The following PRELID2 variants were observed in gnomAD, a reference collection of about 807,000 sequenced individuals.
The protein encoded by PRELID2 is PRELI domain-containing protein 2.
Under a neutral mutation model 28.4 loss-of-function variants are expected in PRELID2, and 25 were observed. The ratio of observed to expected loss-of-function variants is 0.88; its 90% CI spans 0.64 to 1.23. The LOEUF (loss-of-function observed/expected upper bound fraction) is 1.23. PRELID2 is among the 50% of genes most tolerant of loss of function. The pLI is 0.00. For missense variants in PRELID2, 201 were observed against 214.4 expected, an observed-to-expected ratio of 0.94 and a Z score of 0.39; for synonymous variants, 76 against 71.6, an observed-to-expected ratio of 1.06 and a Z score of -0.31.
chr5:145,678,529 A>G (rs1695327738), intron 1 of PRELID2, among the ~76,000 whole-genome samples: 1 of 152,182 alleles, frequency 6.6e-6, no homozygotes, highest in African/African-American at 2.4e-5. Flanking sequence ...CTAAATCATA[A>G]TGCTAAATAT....
the PRELID2 span, among the ~76,000 whole-genome samples, chr5:145,416,437 A>G: frequency 6.6e-6 from 1 of 152,088 alleles, no homozygotes; most frequent in Admixed American, 6.6e-5. Flanking sequence ...TAAACTAAAG[A>G]GCTTCTGCAC....
intron 1 of PRELID2, among the ~76,000 whole-genome samples, chr5:145,496,988 G>A (rs1453676352): frequency 6.6e-6 from 1 of 151,158 alleles, no homozygotes; most frequent in Non-Finnish European, 1.5e-5. Context: ...TCAGCCTCCT[G>A]AGTAGCTAGG....
At chr5:145,624,932 T>C (rs1242715053) in intron 1 of PRELID2, among the ~76,000 whole-genome samples, 2 of 152,054 alleles carry the variant, frequency 1.3e-5, no homozygotes, top group Admixed American at 6.5e-5. Context: ...AATATATCAA[T>C]AGTAATTTTA....
At chr5:145,398,851 A>G in the PRELID2 span, among the ~76,000 whole-genome samples, 1 of 152,102 alleles carries the variant, frequency 6.6e-6, no homozygotes, top group African/African-American at 2.4e-5. Flanking sequence ...GGAAGGAAGG[A>G]AGTCTTTCCT....
the PRELID2 span, among the ~76,000 whole-genome samples, chr5:145,398,377 T>C: frequency 6.6e-6 from 1 of 152,134 alleles, no homozygotes; most frequent in Non-Finnish European, 1.5e-5. Context: ...CAGAGTCAAT[T>C]ACCAGTTGAT....
intron 1 of PRELID2, among the ~76,000 whole-genome samples, chr5:145,659,077 A>C (rs1372204897): frequency 6.6e-6 from 1 of 152,182 alleles, no homozygotes; most frequent in Non-Finnish European, 1.5e-5. Context: ...AGTCTGACCT[A>C]AGAGGAGGCT....
intron 1 of PRELID2, among the ~76,000 whole-genome samples, chr5:145,721,852 G>T (rs931455115): frequency 2.0e-5 from 3 of 152,084 alleles, no homozygotes; most frequent in Non-Finnish European, 4.4e-5. Context: ...ACCTTTTAAT[G>T]TAACAAAAAA....
intron 1 of PRELID2, among the ~76,000 whole-genome samples, chr5:145,488,822 G>A (rs191054809): frequency 5.9e-5 from 9 of 152,098 alleles, no homozygotes; most frequent in Admixed American, 5.2e-4. Context: ...ATTTATGACA[G>A]TTGGTATAAA....
chr5:145,481,743 G>A (rs990390134), intron 1 of PRELID2, among the ~76,000 whole-genome samples: 1 of 151,412 alleles, frequency 6.6e-6, no homozygotes, highest in Non-Finnish European at 1.5e-5. Context: ...GCTTGGCTCT[G>A]GAATCCTCTC....
At chr5:145,633,255 C>T (rs977635856) in intron 1 of PRELID2, among the ~76,000 whole-genome samples, 5 of 152,138 alleles carry the variant, frequency 3.3e-5, no homozygotes, top group Non-Finnish European at 1.5e-5. Flanking sequence ...TTGTTGTAAG[C>T]CACTAAATCC....
the PRELID2 span, among the ~76,000 whole-genome samples, chr5:145,263,499 TAAA>T: frequency 6.6e-6 from 1 of 151,938 alleles, no homozygotes; most frequent in Admixed American, 6.6e-5. Context: ...AAAGCAGAAT[TAAA>T]TTAAATTGAA....
At chr5:145,359,151 C>T in the PRELID2 span, among the ~76,000 whole-genome samples, 5 of 152,102 alleles carry the variant, frequency 3.3e-5, no homozygotes, top group African/African-American at 4.8e-5. Flanking sequence ...TCATTAATGC[C>T]AATTATAATC....
chr5:145,735,037 G>A (rs1454343150), intron 1 of PRELID2, among the ~76,000 whole-genome samples: 2 of 152,034 alleles, frequency 1.3e-5, no homozygotes, highest in African/African-American at 4.8e-5. Context: ...ATGAAGTCAG[G>A]AATTCGAGAC....
the PRELID2 span, among the ~76,000 whole-genome samples, chr5:145,365,884 A>G: frequency 3.9e-4 from 59 of 152,108 alleles, no homozygotes; most frequent in African/African-American, 1.3e-3. Flanking sequence ...CAGAATAAAT[A>G]AGACATAAAA....
At chr5:145,800,769 T>C (rs1753084740) in intron 4 of PRELID2, among the ~76,000 whole-genome samples, 3 of 152,298 alleles carry the variant, frequency 2.0e-5, no homozygotes, top group African/African-American at 7.2e-5. Flanking sequence ...CCTACTATAT[T>C]TTAAGACTGC....
chr5:145,818,197 G>C (rs1009294132), intron 3 of PRELID2, 143 bp from the exon 4 acceptor site: 1 of 822,630 alleles, frequency 1.2e-6, no homozygotes, highest in Non-Finnish European at 1.9e-6. Context: ...GTGGCTGTAC[G>C]TTTTTGATAA....
chr5:145,800,871 C>T (rs1213628391), intron 4 of PRELID2, among the ~76,000 whole-genome samples: 1 of 152,140 alleles, frequency 6.6e-6, no homozygotes, highest in Non-Finnish European at 1.5e-5. Flanking sequence ...CTAAATCCCT[C>T]ACACTAGAAT....
the PRELID2 span, among the ~76,000 whole-genome samples, chr5:145,373,124 C>T: frequency 0.14 from 3,612 of 24,944 alleles, 228 homozygotes; most frequent in South Asian, 0.17. Flanking sequence ...ATATAATATA[C>T]ATGATATATA....
At chr5:145,269,727 G>GTA in the PRELID2 span, among the ~76,000 whole-genome samples, 5 of 150,074 alleles carry the variant, frequency 3.3e-5, no homozygotes, top group Non-Finnish European at 5.9e-5. Context: ...TATATAGTTT[G>GTA]TATATATATA....
Sources: gnomAD v4.1 joint callset for allele counts (sites outside exome capture counted in the v4.1 genomes callset) on GRCh38, gnomAD v4.1.1 for gene constraint, MANE v1.5 for transcripts, NCBI Gene and HGNC (gene_info 2026-07-23, HGNC 2026-07-21) for gene names.